The following WDPCP variants were observed in gnomAD, a reference collection of about 807,000 sequenced individuals.
WDPCP encodes WD repeat containing planar cell polarity effector, also known as WD repeat-containing and planar cell polarity effector protein fritz homolog.
In WDPCP, 71 loss-of-function variants were observed where a neutral mutation model predicts 93.1. The ratio of observed to expected loss-of-function variants is 0.76; its 90% CI spans 0.63 to 0.93. WDPCP has a LOEUF of 0.93. Ranked by LOEUF, WDPCP falls within the 40% of genes least tolerant of loss-of-function variation. The pLI, the probability that WDPCP is intolerant of heterozygous loss-of-function variation, is 0.00. For synonymous variants in WDPCP, 315 were observed against 315.0 expected (o/e 1.00, Z 0.00); for missense variants, 844 against 887.4 (o/e 0.95, Z 0.62).
At chr2:63,674,158 T>C (rs1440366913) in intron 2 of WDPCP, among the ~76,000 whole-genome samples, 1 of 152,226 alleles carries the variant, frequency 6.6e-6, no homozygotes, top group Non-Finnish European at 1.5e-5. Context: ...TTTCTCCTCA[T>C]GGATAAAAAG....
chr2:63,514,663 TAA>T (rs1349760202), intron 1 of WDPCP, among the ~76,000 whole-genome samples: 2 of 152,130 alleles, frequency 1.3e-5, no homozygotes, highest in Non-Finnish European at 2.9e-5. Context: ...AATGGCAGGC[TAA>T]GTTATAGCTC....
chr2:63,290,034 T>TAA (rs151042826), intron 13 of WDPCP, among the ~76,000 whole-genome samples: 2 of 149,322 alleles, frequency 1.3e-5, no homozygotes, highest in Non-Finnish European at 3.0e-5. Flanking sequence ...TCTCTGACTT[T>TAA]AAAAAAAAAA....
chr2:63,327,520 C>A (rs1199432654), intron 12 of WDPCP, among the ~76,000 whole-genome samples: 2 of 152,154 alleles, frequency 1.3e-5, no homozygotes, highest in Non-Finnish European at 2.9e-5. Flanking sequence ...GCAGCAGTGA[C>A]TCTCCAAAAC....
At chr2:63,306,473 T>C (rs761945289) in intron 13 of WDPCP, among the ~76,000 whole-genome samples, 19 of 152,208 alleles carry the variant, frequency 1.2e-4, no homozygotes, top group Middle Eastern at 3.4e-3. Context: ...CTGATGGAAA[T>C]CAATGTAAAA....
intron 2 of WDPCP, among the ~76,000 whole-genome samples, chr2:63,778,045 A>T (rs1248598641): frequency 2.0e-5 from 3 of 152,082 alleles, no homozygotes; most frequent in African/African-American, 7.2e-5. Flanking sequence ...TGCCTTTTAC[A>T]ATATTTCTAC....
intron 13 of WDPCP, among the ~76,000 whole-genome samples, chr2:63,288,795 A>G (rs1014316462): frequency 2.7e-4 from 41 of 152,116 alleles, no homozygotes; most frequent in African/African-American, 9.9e-4. Context: ...ATTTAGTTGT[A>G]ATGCTTCTTT....
intron 1 of WDPCP, among the ~76,000 whole-genome samples, chr2:63,826,948 T>C (rs769725105): frequency 2.0e-5 from 3 of 152,168 alleles, no homozygotes; most frequent in Non-Finnish European, 4.4e-5. Context: ...CACAAATCCA[T>C]TTGGTATTTA....
At chr2:63,286,667 A>G (rs1435821573) in intron 13 of WDPCP, among the ~76,000 whole-genome samples, 2 of 152,238 alleles carry the variant, frequency 1.3e-5, no homozygotes, top group Non-Finnish European at 2.9e-5. Context: ...CACACGTGAC[A>G]TGGATATTTT....
chr2:63,824,585 A>C (rs1043496264), intron 1 of WDPCP, among the ~76,000 whole-genome samples: 1 of 150,708 alleles, frequency 6.6e-6, no homozygotes, highest in Non-Finnish European at 1.5e-5. Context: ...AGGGTTGTTC[A>C]ATAAAATGCC....
intron 2 of WDPCP, among the ~76,000 whole-genome samples, chr2:63,774,823 G>A (rs564125097): frequency 1.4e-4 from 22 of 152,090 alleles, no homozygotes; most frequent in Admixed American, 2.6e-4. Context: ...TTTCATTTTC[G>A]TAGACTGTTT....
At chr2:63,835,346 C>T in the WDPCP span, among the ~76,000 whole-genome samples, 1 of 141,326 alleles carries the variant, frequency 7.1e-6, no homozygotes, top group Non-Finnish European at 1.5e-5. Flanking sequence ...GCAGAGACTG[C>T]ACCACTTCAC....
At chr2:63,177,669 C>A (rs992004818) in intron 14 of WDPCP, among the ~76,000 whole-genome samples, 4 of 151,978 alleles carry the variant, frequency 2.6e-5, no homozygotes, top group Admixed American at 1.3e-4. Flanking sequence ...ATATCTATAA[C>A]CAGAGACAAT....
At chr2:63,585,732 T>C (rs967904139) in intron 1 of WDPCP, among the ~76,000 whole-genome samples, 3 of 151,784 alleles carry the variant, frequency 2.0e-5, no homozygotes, top group Non-Finnish European at 4.4e-5. Context: ...AAAAGTGTAA[T>C]AGAACTTCAT....
intron 14 of WDPCP, among the ~76,000 whole-genome samples, chr2:63,239,501 A>T (rs1022754488): frequency 6.6e-6 from 1 of 152,198 alleles, no homozygotes; most frequent in South Asian, 2.1e-4. Flanking sequence ...TTAGAAACTT[A>T]GTAGGCCAAC....
At chr2:63,818,121 G>C (rs1670966992) in intron 1 of WDPCP, among the ~76,000 whole-genome samples, 1 of 152,194 alleles carries the variant, frequency 6.6e-6, no homozygotes, top group South Asian at 2.1e-4. Flanking sequence ...GGCGAGTAAT[G>C]AAAGAGAATT....
At chr2:63,657,244 A>G (rs544556199) in intron 2 of WDPCP, among the ~76,000 whole-genome samples, 67 of 123,882 alleles carry the variant, frequency 5.4e-4, no homozygotes, top group Non-Finnish European at 8.8e-4. Context: ...TCGCTCTGTC[A>G]CCCAGGCTGG....
At chr2:63,530,082 TTC>T (rs1273603785) in intron 1 of WDPCP, among the ~76,000 whole-genome samples, 4 of 152,222 alleles carry the variant, frequency 2.6e-5, no homozygotes, top group Non-Finnish European at 5.9e-5. Context: ...TGTTTGATTT[TTC>T]TCTCTTTTCT....
At chr2:63,539,083 G>A (rs1215721989) in intron 1 of WDPCP, among the ~76,000 whole-genome samples, 1 of 152,074 alleles carries the variant, frequency 6.6e-6, no homozygotes, top group Non-Finnish European at 1.5e-5. Flanking sequence ...TTGTTTAAAT[G>A]TTTGTTGCTA....
chr2:63,537,000 TCAAGTGATCCACCCGCCTCAGCCTCC>T (rs747569460), intron 1 of WDPCP, among the ~76,000 whole-genome samples: 9 of 152,118 alleles, frequency 5.9e-5, no homozygotes, highest in Non-Finnish European at 1.0e-4. Flanking sequence ...ACTCTGGGCC[TCAAGTGATCCACCCGCCTCAGCCTCC>T]CATAGTACTG....
Sources: allele counts gnomAD v4.1 joint callset (sites outside exome capture counted in the v4.1 genomes callset), GRCh38; gene constraint gnomAD v4.1.1; transcripts MANE v1.5; gene names NCBI Gene and HGNC (gene_info 2026-07-23, HGNC 2026-07-21).